Variants in TRMT9B observed in about 807,000 individuals in gnomAD.
The protein encoded by TRMT9B is tRNA methyltransferase 9B (putative).
TRMT9B carries 16 observed loss-of-function variants against 11.5 expected under a neutral mutation model. That is an observed-to-expected ratio of 1.39 (90% CI 0.94 to 2.11). The LOEUF is 2.11. Ranked by LOEUF, TRMT9B falls within the 30% of genes most tolerant of loss-of-function variation. The probability of loss-of-function intolerance (pLI) is 0.00; values close to 1 mark genes in which losing one functional copy is unlikely to be tolerated. For synonymous variants in TRMT9B, 274 were observed against 192.4 expected (o/e 1.42, Z -3.51); for missense variants, 941 against 553.8 (o/e 1.70, Z -7.02).
chr8:12,984,633 A>G (rs1214127991), intron 1 of TRMT9B, among the ~76,000 whole-genome samples: 1 of 152,050 alleles, frequency 6.6e-6, no homozygotes, highest in Admixed American at 6.6e-5. Context: ...CTTCCACGGT[A>G]CTATTTTGGG....
chr8:13,012,764 A>T lies in TRMT9B; in HGVS notation c.235A>T (p.Ile79Phe), dbSNP rs1314296424. ...TGACTACTGTGGGCCACTGGTAGAG[A>T]TTGCCCGGAATAGAGGATGTGAAGC... ...GCDYCGPLVE[I>F]ARNRGCEAMV... Residue 79 changes from isoleucine to phenylalanine, a missense_variant, in exon 4 of 5, where the codon ATT (isoleucine) becomes TTT (phenylalanine). By Grantham distance (21) the Ile-to-Phe change is conservative (BLOSUM62 0). Transcript: ENST00000524591. 6.2e-7 allele frequency: 1 copy of T among 1,613,876 alleles called. No individual in the cohort carries two copies. Among genetic ancestry groups the T allele is most frequent in the Admixed American group, 1.7e-5 (1 of 60,008 alleles).
At chr8:12,962,668 T>A (rs1171058717) in intron 1 of TRMT9B, among the ~76,000 whole-genome samples, 1 of 152,078 alleles carries the variant, frequency 6.6e-6, no homozygotes, top group African/African-American at 2.4e-5. Context: ...TTTTTATATT[T>A]TTTGTAGAGA....
At chr8:12,969,127 C>T (rs1443083045) in intron 1 of TRMT9B, among the ~76,000 whole-genome samples, 2 of 152,100 alleles carry the variant, frequency 1.3e-5, no homozygotes, top group African/African-American at 2.4e-5. Flanking sequence ...GCAGGAGAAT[C>T]GCTTGGAAGG....
intron 4 of TRMT9B, among the ~76,000 whole-genome samples, chr8:13,014,340 C>G (rs577551557): frequency 6.6e-6 from 1 of 152,134 alleles, no homozygotes; most frequent in Non-Finnish European, 1.5e-5. Context: ...TATTTCTCAC[C>G]GTTCTGGAGG....
chr8:12,963,263 T>C (rs575301918), intron 1 of TRMT9B, among the ~76,000 whole-genome samples: 1 of 152,236 alleles, frequency 6.6e-6, no homozygotes, highest in Non-Finnish European at 1.5e-5. Flanking sequence ...AAACACCGTC[T>C]CTACTTTAAA....
At chr8:13,017,429 T>A (rs1424337760) in intron 4 of TRMT9B, among the ~76,000 whole-genome samples, 1 of 152,258 alleles carries the variant, frequency 6.6e-6, no homozygotes, top group Non-Finnish European at 1.5e-5. Flanking sequence ...TGCCTTTAAG[T>A]TGTGATTATG....
intron 3 of TRMT9B, 200 bp downstream of exon 3, chr8:13,006,556 T>C: frequency 1.4e-6 from 2 of 1,426,390 alleles, no homozygotes; most frequent in South Asian, 1.6e-5. Flanking sequence ...TTTGTTCTAA[T>C]AGGAATCCTG....
At chr8:13,013,583 G>T (rs1812067764) in intron 4 of TRMT9B, among the ~76,000 whole-genome samples, 1 of 151,948 alleles carries the variant, frequency 6.6e-6, no homozygotes, top group Non-Finnish European at 1.5e-5. Context: ...CTATGACAAG[G>T]TTTTTTTTGT....
intron 3 of TRMT9B, among the ~76,000 whole-genome samples, chr8:13,007,949 C>T (rs73204381): frequency 0.076 from 11,592 of 152,090 alleles, 584 homozygotes; most frequent in Non-Finnish European, 0.12. Flanking sequence ...AAAAAGAAAT[C>T]GTAAAAGAAT....
chr8:12,952,786 C>G (rs775463588), intron 1 of TRMT9B: 40 of 652,302 alleles, frequency 6.1e-5, no homozygotes, highest in Non-Finnish European at 7.0e-5. Context: ...GTCACCCAGG[C>G]TGGAGTGCAA....
chr8:13,007,665 G>C (rs1406405169), intron 3 of TRMT9B: 4 of 152,192 alleles, frequency 2.6e-5, no homozygotes, highest in African/African-American at 7.2e-5. Context: ...TAGTTTCGGA[G>C]TGTGCAGTGA....
chr8:12,990,791 T>C lies in TRMT9B; in HGVS notation c.-199-43T>C, dbSNP rs185572716. The C allele has an allele frequency of 3.7e-4, 461 of 1,243,648 alleles. No homozygotes were observed. In the African/African-American group the frequency reaches 6.7e-3, roughly 18 times the overall value. 77.0% of individuals were successfully genotyped at this position (1,243,648 alleles called of 1,614,324 possible). Reference sequence around the variant, plus strand: ...TGGGCTGTAGCTGGCTCCATATACATACCATGTGAAATGACATTTAGTATT... The same window carrying C: ...TGGGCTGTAGCTGGCTCCATATACACACCATGTGAAATGACATTTAGTATT... On this transcript the variant is annotated intron_variant, in intron 1 of 4. Coordinates refer to ENST00000524591, the MANE Select transcript of TRMT9B (RefSeq NM_020844.3).
rs532415013 is a variant in TRMT9B at position 13,014,203 on chromosome 8, C to A, written c.328+1346C>A. Among the ~76,000 whole-genome samples, 13 of 152,292 alleles carry A rather than the reference C, an allele frequency of 8.5e-5. 1 individual carries two copies. The highest frequency in any genetic ancestry group is 3.1e-4 in the African/African-American group (13 of 41,548). On this transcript the variant is annotated intron_variant, in intron 4 of 4. Transcript: ENST00000524591. ...GAGATGGTTGCTATGGAAACTTGCT[C>A]TCTGATAGTCTCATTTGCAGTTGAA...
intron 1 of TRMT9B, chr8:12,962,119 T>C (rs575110302): frequency 5.9e-5 from 9 of 152,514 alleles, no homozygotes; most frequent in African/African-American, 1.7e-4. Flanking sequence ...GGATTCTCCA[T>C]GCTAGCTTTC....
At chr8:12,983,009 C>T (rs993205462) in intron 1 of TRMT9B, among the ~76,000 whole-genome samples, 14 of 152,198 alleles carry the variant, frequency 9.2e-5, no homozygotes, top group East Asian at 3.9e-4. Context: ...GGGTTCCCCA[C>T]GATGCCCCAC....
At chr8:12,970,959 A>C (rs1384035402) in intron 1 of TRMT9B, among the ~76,000 whole-genome samples, 1 of 152,234 alleles carries the variant, frequency 6.6e-6, no homozygotes, top group Non-Finnish European at 1.5e-5. Flanking sequence ...GAGGCACTTT[A>C]GAAAGTATCT....
chr8:12,994,683 T>C (rs934341771), intron 2 of TRMT9B, among the ~76,000 whole-genome samples: 13 of 152,168 alleles, frequency 8.5e-5, no homozygotes, highest in Admixed American at 6.5e-5. Context: ...AACGAACATT[T>C]TCTTTTTTTT....
intron 2 of TRMT9B, among the ~76,000 whole-genome samples, chr8:13,005,662 T>C (rs746227930): frequency 6.6e-6 from 1 of 152,172 alleles, no homozygotes; most frequent in Non-Finnish European, 1.5e-5. Context: ...GGGAAAAGCA[T>C]TGAATGGCAA....
At chr8:12,986,236 A>G (rs763640343) in intron 1 of TRMT9B, among the ~76,000 whole-genome samples, 1 of 152,130 alleles carries the variant, frequency 6.6e-6, no homozygotes, top group Non-Finnish European at 1.5e-5. Flanking sequence ...TACCACAGAG[A>G]CAATATGCCC....
Sources: allele counts gnomAD v4.1 joint callset (sites outside exome capture counted in the v4.1 genomes callset), GRCh38; gene constraint gnomAD v4.1.1; transcripts MANE v1.5; gene names NCBI Gene and HGNC (gene_info 2026-07-23, HGNC 2026-07-21).